ANTXR2: variants seen among roughly 807,000 people sequenced by gnomAD.
The protein encoded by ANTXR2 is anthrax toxin receptor 2.
ANTXR2 carries 44 observed loss-of-function variants against 73.7 expected under a neutral mutation model. The ratio of observed to expected loss-of-function variants is 0.60; its 90% CI spans 0.47 to 0.77. The LOEUF is 0.77. Ranked by LOEUF, ANTXR2 falls within the 30% of genes least tolerant of loss-of-function variation. The probability of loss-of-function intolerance (pLI) is 0.00; values close to 1 mark genes in which losing one functional copy is unlikely to be tolerated. For synonymous variants in ANTXR2, 217 were observed against 205.9 expected, an observed-to-expected ratio of 1.05 and a Z score of -0.46; for missense variants, 604 against 592.5, an observed-to-expected ratio of 1.02 and a Z score of -0.20.
At chr4:79,937,517 G>T (rs185444108) in intron 16 of ANTXR2, among the ~76,000 whole-genome samples, 2 of 152,124 alleles carry the variant, frequency 1.3e-5, no homozygotes, top group African/African-American at 4.8e-5. Flanking sequence ...TTTGCAATTT[G>T]TATCTACCCT....
At chr4:80,048,415 A>T (rs7692362) in intron 7 of ANTXR2, among the ~76,000 whole-genome samples, 21,673 of 151,680 alleles carry the variant, frequency 0.14, 2,861 homozygotes, top group East Asian at 0.71. Flanking sequence ...AATCTGATAT[A>T]CAGTTATTCT....
chr4:80,036,919 G>A (rs936050513), intron 7 of ANTXR2, among the ~76,000 whole-genome samples: 11 of 152,132 alleles, frequency 7.2e-5, no homozygotes, highest in African/African-American at 2.7e-4. Flanking sequence ...AATTACAATT[G>A]CAGAACATAG....
intron 10 of ANTXR2, among the ~76,000 whole-genome samples, chr4:80,023,409 T>C (rs1361806734): frequency 1.3e-5 from 2 of 152,218 alleles, no homozygotes; most frequent in African/African-American, 2.4e-5. Context: ...TACTAGTTAA[T>C]TAAATGAGTA....
intron 12 of ANTXR2, among the ~76,000 whole-genome samples, chr4:79,998,573 T>C (rs2110041295): frequency 6.6e-6 from 1 of 152,162 alleles, no homozygotes; most frequent in East Asian, 1.9e-4. Context: ...TCCCCTAATC[T>C]AAACAATGAT....
In ANTXR2 at chr4:80,019,017, A is replaced by G. The variant is rs1016959146; in HGVS notation, c.867-41T>C. On this transcript the variant is annotated intron_variant, in intron 10 of 16. Coordinates refer to ENST00000403729, the MANE Select transcript of ANTXR2 (RefSeq NM_058172.6). ...AACAATAATTTTATATACATTTAAA[A>G]CCAGAGGAGTAGGAGATTTTTATTT... 3.1e-6 allele frequency: 4 copies of G among 1,300,224 alleles called. No individual in the cohort carries two copies. The African/African-American group carries it at 4.7e-5, about 15-fold the overall frequency. The allele number at this position is 1,300,224 out of a possible 1,614,324, so 80.5% of individuals were successfully genotyped here.
intron 11 of ANTXR2, among the ~76,000 whole-genome samples, chr4:80,012,687 T>C (rs888486371): frequency 1.3e-5 from 2 of 152,124 alleles, no homozygotes; most frequent in Non-Finnish European, 2.9e-5. Flanking sequence ...ATTATAGCAT[T>C]TATCAGACTG....
intron 16 of ANTXR2, among the ~76,000 whole-genome samples, chr4:79,910,064 G>A (rs1318176042): frequency 2.0e-5 from 3 of 152,156 alleles, no homozygotes; most frequent in African/African-American, 2.4e-5. Flanking sequence ...GACCATGGGC[G>A]ACTTACTTAA....
At chr4:79,978,221 G>C (rs770157244) in intron 14 of ANTXR2, 47 bp from the exon 15 acceptor site, 6 of 1,574,344 alleles carry the variant, frequency 3.8e-6, no homozygotes, top group African/African-American at 2.7e-5. Context: ...AAGTGTCCTA[G>C]AGGAACAGGC....
At chr4:80,027,241 T>C (rs1044033443) in intron 10 of ANTXR2, among the ~76,000 whole-genome samples, 1 of 152,094 alleles carries the variant, frequency 6.6e-6, no homozygotes, top group Non-Finnish European at 1.5e-5. Flanking sequence ...CACATACAGA[T>C]AGAAGTATAC....
At chr4:80,035,683 T>C (rs1578174302) in intron 8 of ANTXR2, among the ~76,000 whole-genome samples, 2 of 152,268 alleles carry the variant, frequency 1.3e-5, no homozygotes, top group Middle Eastern at 6.8e-3. Flanking sequence ...AACAATTTCA[T>C]ATTTTATTTT....
chr4:80,068,401 A>G (rs569625100), intron 3 of ANTXR2, among the ~76,000 whole-genome samples: 4 of 152,206 alleles, frequency 2.6e-5, no homozygotes, highest in African/African-American at 9.6e-5. Flanking sequence ...ACTGGCTTAC[A>G]TACTCTGTTA....
Position 80,047,997 on chromosome 4 carries a change from A to G in ANTXR2, c.636+6275T>C, listed in dbSNP as rs1014077549. ...GATGAAATCAAATTTATATGAAATC[A>G]GGGGTTAATTATCTAATGTTCAAAT... On this transcript the variant is annotated intron_variant, in intron 7 of 16. Transcript: ENST00000403729. Among the ~76,000 whole-genome samples the G allele has an allele frequency of 2.0e-5, 3 of 151,718 alleles. 1 individual carries two copies. The highest frequency in any genetic ancestry group is 2.0e-4 in the Admixed American group (3 of 15,180).
chr4:80,030,697 G>A (rs771877840), intron 10 of ANTXR2, among the ~76,000 whole-genome samples: 4 of 152,042 alleles, frequency 2.6e-5, no homozygotes, highest in African/African-American at 4.8e-5. Context: ...AAAGATAAAT[G>A]TTCAAGTCAG....
At chr4:79,989,865 G>T (rs1730380270) in intron 12 of ANTXR2, among the ~76,000 whole-genome samples, 1 of 151,868 alleles carries the variant, frequency 6.6e-6, no homozygotes, top group African/African-American at 2.4e-5. Flanking sequence ...TACATGAACA[G>T]AACTAAAAAC....
At chr4:80,066,959 A>G (rs1452158552) in intron 3 of ANTXR2, among the ~76,000 whole-genome samples, 1 of 152,004 alleles carries the variant, frequency 6.6e-6, no homozygotes, top group Admixed American at 6.5e-5. Context: ...GCACTTTGGG[A>G]GGCCGAGGCG....
chr4:80,052,703 T>A (rs1733823597), intron 7 of ANTXR2, among the ~76,000 whole-genome samples: 1 of 151,660 alleles, frequency 6.6e-6, no homozygotes, highest in Admixed American at 6.6e-5. Context: ...CAAATTTTCC[T>A]AATTTCATGC....
chr4:79,926,863 T>G (rs1727799128), intron 16 of ANTXR2, among the ~76,000 whole-genome samples: 1 of 141,736 alleles, frequency 7.1e-6, no homozygotes. Context: ...AAAGAAATTG[T>G]GGCATATATA....
At chr4:79,946,331 G>A (rs1728510699) in intron 16 of ANTXR2, among the ~76,000 whole-genome samples, 1 of 152,120 alleles carries the variant, frequency 6.6e-6, no homozygotes, top group African/African-American at 2.4e-5. Flanking sequence ...AGTTTAATGA[G>A]GTAAGTTTTC....
At chr4:80,006,935 C>T (rs545376495) in intron 12 of ANTXR2, among the ~76,000 whole-genome samples, 37 of 152,126 alleles carry the variant, frequency 2.4e-4, no homozygotes, top group African/African-American at 8.9e-4. Flanking sequence ...CATCTTTTTG[C>T]TTTTTAATGT....
Sources: gnomAD v4.1 joint callset for allele counts (sites outside exome capture counted in the v4.1 genomes callset) on GRCh38, gnomAD v4.1.1 for gene constraint, MANE v1.5 for transcripts, NCBI Gene and HGNC (gene_info 2026-07-23, HGNC 2026-07-21) for gene names.